The following HELZ variants were observed in gnomAD, a reference collection of about 807,000 sequenced individuals.
HELZ encodes ATP-dependent RNA helicase with zinc finger domain.
A neutral mutation model predicts 218.2 loss-of-function variants in HELZ; 23 were observed. The observed-to-expected ratio is 0.11, with a 90% CI of 0.08 to 0.15. The LOEUF (loss-of-function observed/expected upper bound fraction) is 0.15, where lower values mean the gene tolerates loss of function less well. Among genes scored for constraint, HELZ ranks in the 10% least tolerant of loss-of-function variants. The pLI is 1.00. For missense variants in HELZ, 1,813 were observed against 2,353.7 expected (o/e 0.77, Z 4.75); for synonymous variants, 814 against 829.4 (o/e 0.98, Z 0.32).
chr17:67,225,969 A>G (rs2040877905), intron 3 of HELZ, among the ~76,000 whole-genome samples: 1 of 152,034 alleles, frequency 6.6e-6, no homozygotes, highest in Non-Finnish European at 1.5e-5. Flanking sequence ...TCTGAAATAT[A>G]AAGAACTCCC....
chr17:67,077,990 A>G lies in HELZ; in HGVS notation c.*262T>C. On this transcript the variant is annotated 3_prime_UTR_variant, in exon 33 of 33. Coordinates refer to ENST00000358691, the MANE Select transcript of HELZ (RefSeq NM_014877.4). ...AACCTCTTGGCTGCTAGCTTGATGC[A>G]AACATATGTAACAATACACAAATTT... is the stretch of plus-strand genomic sequence containing the variant. 1 of 236,716 alleles carries G rather than the reference A, an allele frequency of 4.2e-6. No homozygotes were observed. The highest frequency in any genetic ancestry group is 8.0e-6 in the Non-Finnish European group (1 of 124,578). 14.7% of individuals were successfully genotyped at this position (236,716 alleles called of 1,614,324 possible).
intron 3 of HELZ, among the ~76,000 whole-genome samples, chr17:67,238,906 T>A (rs1450044664): frequency 6.6e-6 from 1 of 152,154 alleles, no homozygotes; most frequent in African/African-American, 2.4e-5. Flanking sequence ...TCTGAAAGAC[T>A]AATAGTATCA....
chr17:67,100,147 A>G (rs1481255494), intron 31 of HELZ, among the ~76,000 whole-genome samples: 1 of 152,206 alleles, frequency 6.6e-6, no homozygotes, highest in Non-Finnish European at 1.5e-5. Context: ...TCTGTACAAT[A>G]CTTTCCTCTA....
chr17:67,219,866 G>A (rs1438248837), intron 3 of HELZ, among the ~76,000 whole-genome samples: 4 of 152,184 alleles, frequency 2.6e-5, no homozygotes, highest in Non-Finnish European at 4.4e-5. Flanking sequence ...AGAAATAGCA[G>A]GAGTTTACAC....
At chr17:67,111,582 A>C (rs1019234950) in intron 28 of HELZ, among the ~76,000 whole-genome samples, 1 of 152,174 alleles carries the variant, frequency 6.6e-6, no homozygotes, top group Non-Finnish European at 1.5e-5. Flanking sequence ...TGTTGCAACA[A>C]ATGGTTGTGA....
intron 21 of HELZ, among the ~76,000 whole-genome samples, chr17:67,141,739 A>T (rs1039483725): frequency 2.6e-5 from 4 of 152,070 alleles, no homozygotes; most frequent in African/African-American, 7.2e-5. Flanking sequence ...CAAAAAATAT[A>T]ATTAAAAAAT....
intron 31 of HELZ, among the ~76,000 whole-genome samples, chr17:67,100,261 T>C (rs137899088): frequency 5.3e-5 from 8 of 152,170 alleles, no homozygotes; most frequent in East Asian, 3.9e-4. Flanking sequence ...AAAATGAAAA[T>C]AGATGGCTCA....
In HELZ at chr17:67,149,989, G is replaced by GA; in HGVS notation, c.2357-5dup. On this transcript the variant is annotated splice_polypyrimidine_tract_variant and splice_region_variant and intron_variant, in intron 18 of 32. Transcript: ENST00000358691. ...AATAGAATGTGTGTAAAAAACCCTA[G>GA]AAAATGCAGCATAAACACAGGATAG... 1 of 1,585,576 alleles carries GA rather than the reference G, an allele frequency of 6.3e-7. No homozygotes were observed.
chr17:67,245,072 C>T, intron 1 of HELZ, 76 bp downstream of exon 1: 1 of 984,790 alleles, frequency 1.0e-6, no homozygotes, highest in Non-Finnish European at 1.2e-6. Flanking sequence ...GGAGGGGAGT[C>T]GGGTCCCCTC....
intron 21 of HELZ, among the ~76,000 whole-genome samples, chr17:67,138,621 C>A (rs1434376610): frequency 1.3e-5 from 2 of 152,240 alleles, no homozygotes; most frequent in Non-Finnish European, 2.9e-5. Context: ...GACCAGCCAA[C>A]AGCCACCAAT....
At chr17:67,120,321 C>A in intron 27 of HELZ, 84 bp downstream of exon 27, 1 of 1,113,456 alleles carries the variant, frequency 9.0e-7, no homozygotes, top group Non-Finnish European at 1.3e-6. Context: ...AGTTAACAAT[C>A]ATACTGTTAA....
In HELZ at chr17:67,077,809, A is replaced by G. The variant is rs1445533180; in HGVS notation, c.*443T>C. 1 of 152,328 alleles carries G rather than the reference A, an allele frequency of 6.6e-6. No homozygotes were observed. Among genetic ancestry groups the G allele is most frequent in the Admixed American group, 6.6e-5 (1 of 15,256 alleles). The allele number at this position is 152,328 out of a possible 1,614,324, so 9.4% of individuals were successfully genotyped here. On this transcript the variant is annotated 3_prime_UTR_variant, in exon 33 of 33. Coordinates refer to ENST00000358691, the MANE Select transcript of HELZ (RefSeq NM_014877.4). Reference sequence around the variant, plus strand: ...TTAAATGAATTTAAGCAAAAATAACATACATTTGTACATCAACTGGCCATT... The same window carrying G: ...TTAAATGAATTTAAGCAAAAATAACGTACATTTGTACATCAACTGGCCATT...
intron 31 of HELZ, among the ~76,000 whole-genome samples, chr17:67,099,221 T>G (rs2036846153): frequency 6.6e-6 from 1 of 152,228 alleles, no homozygotes; most frequent in Non-Finnish European, 1.5e-5. Context: ...TTTCGGGAAG[T>G]GAGTATTCCT....
At chr17:67,078,693 G>T in intron 32 of HELZ, 107 bp from the exon 33 acceptor site, 1 of 721,870 alleles carries the variant, frequency 1.4e-6, no homozygotes, top group Non-Finnish European at 2.1e-6. Context: ...GGAACTCAAG[G>T]ACAGTATAGC....
chr17:67,124,466 G>C lies in HELZ; in HGVS notation c.3388-452C>G, dbSNP rs532510555. ...TAAAAAGAATGCAAATATGGCTTAG[G>C]ATTTATGACGTTTTGAGTATAATTC... On this transcript the variant is annotated intron_variant, in intron 24 of 32. Coordinates refer to ENST00000358691, the MANE Select transcript of HELZ (RefSeq NM_014877.4). Among the ~76,000 whole-genome samples, 5 of 152,152 alleles carry C rather than the reference G, an allele frequency of 3.3e-5. No individual in the cohort carries two copies. The South Asian group carries it at 1.0e-3, about 32-fold the overall frequency.
At chr17:67,132,829 T>A (rs1331586829) in intron 23 of HELZ, among the ~76,000 whole-genome samples, 1 of 152,234 alleles carries the variant, frequency 6.6e-6, no homozygotes, top group East Asian at 1.9e-4. Context: ...ATATACACAG[T>A]AAGTATTCCT....
intron 32 of HELZ, among the ~76,000 whole-genome samples, chr17:67,085,513 C>G (rs2036341155): frequency 6.6e-6 from 1 of 151,698 alleles, no homozygotes; most frequent in African/African-American, 2.4e-5. Flanking sequence ...ATTAAAATGA[C>G]AATGTCTTTT....
intron 3 of HELZ, among the ~76,000 whole-genome samples, chr17:67,234,090 A>G (rs1399619919): frequency 6.6e-6 from 1 of 150,852 alleles, no homozygotes; most frequent in Non-Finnish European, 1.5e-5. Flanking sequence ...TTGGGAGGCC[A>G]AGGTAGGTGG....
At chr17:67,244,785 G>T (rs1248395003) in intron 1 of HELZ, 1 of 985,326 alleles carries the variant, frequency 1.0e-6, no homozygotes, top group African/African-American at 1.7e-5. Context: ...CGGAGGAGGG[G>T]AACGTGCCGG....
Sources: gnomAD v4.1 joint callset for allele counts (sites outside exome capture counted in the v4.1 genomes callset) on GRCh38, gnomAD v4.1.1 for gene constraint, MANE v1.5 for transcripts, NCBI Gene and HGNC (gene_info 2026-07-23, HGNC 2026-07-21) for gene names.